The following RBM17 variants were observed in gnomAD, a reference collection of about 807,000 sequenced individuals.
RBM17 encodes RNA binding motif protein 17, also known as splicing factor 45.
A neutral mutation model predicts 53.2 loss-of-function variants in RBM17; 7 were observed. That is an observed-to-expected ratio of 0.13 (90% CI 0.07 to 0.25). The LOEUF is 0.25. Among genes scored for constraint, RBM17 ranks in the 10% least tolerant of loss-of-function variants. The pLI, the probability that RBM17 is intolerant of heterozygous loss-of-function variation, is 1.00. For synonymous variants in RBM17, 167 were observed against 178.1 expected, an observed-to-expected ratio of 0.94 and a Z score of 0.50; for missense variants, 257 against 496.7, an observed-to-expected ratio of 0.52 and a Z score of 4.59.
intron 3 of RBM17, 150 bp from the exon 4 acceptor site, chr10:6,104,781 T>C (rs554093717): frequency 5.6e-5 from 34 of 611,544 alleles, no homozygotes; most frequent in Non-Finnish European, 8.3e-5. Context: ...CGTGGCCTTG[T>C]CTGGTATTTG....
rs914098464 is a variant in RBM17, at chr10:6,116,231, G to A, written c.*675G>A. 1 of 152,342 alleles carries A rather than the reference G, an allele frequency of 6.6e-6. No homozygotes were observed. Among genetic ancestry groups the A allele is most frequent in the African/African-American group, 2.4e-5 (1 of 41,446 alleles). The allele number at this position is 152,342 out of a possible 1,614,324, so 9.4% of individuals were successfully genotyped here. On this transcript the variant is annotated 3_prime_UTR_variant, in exon 12 of 12. Coordinates refer to ENST00000379888, the MANE Select transcript of RBM17 (RefSeq NM_032905.5). ...TATAGAAATCATGAATCTAGCATTTGTTTTCAGAGATTCAAGCATAGTCTT... is the reference window on the plus strand; with the variant it reads ...TATAGAAATCATGAATCTAGCATTTATTTTCAGAGATTCAAGCATAGTCTT...
chr10:6,115,647 T>C lies in RBM17; in HGVS notation c.*91T>C. 1.3e-6 allele frequency: 1 copy of C among 775,618 alleles called. No homozygotes were observed. The highest frequency in any genetic ancestry group is 2.2e-6 in the Non-Finnish European group (1 of 445,188). The allele number at this position is 775,618 out of a possible 1,614,324, so 48.0% of individuals were successfully genotyped here. On this transcript the variant is annotated 3_prime_UTR_variant, in exon 12 of 12. Coordinates refer to ENST00000379888, the MANE Select transcript of RBM17 (RefSeq NM_032905.5). ...GGAAAAAGGTCACAGCCTCCATGGC[T>C]GTTGCATACCAAGACTCTTGGAAGG...
chr10:6,113,758 AAGT>A (rs1840872556), intron 9 of RBM17, 177 bp downstream of exon 9: 2 of 603,168 alleles, frequency 3.3e-6, no homozygotes, highest in East Asian at 5.5e-5. Context: ...TCTCTTTGCT[AAGT>A]ACAGTGTTTA....
intron 1 of RBM17, among the ~76,000 whole-genome samples, chr10:6,094,314 C>T (rs537363796): frequency 6.6e-6 from 1 of 152,182 alleles, no homozygotes; most frequent in Non-Finnish European, 1.5e-5. Flanking sequence ...CATGTTGTTG[C>T]TCGGAACGTT....
chr10:6,096,925 C>T, intron 1 of RBM17, 123 bp from the exon 2 acceptor site: 1 of 735,208 alleles, frequency 1.4e-6, no homozygotes, highest in South Asian at 1.9e-5. Context: ...TACCAGGAGC[C>T]TGGGCCTCTG....
chr10:6,103,523 T>A (rs1447612445), intron 3 of RBM17, among the ~76,000 whole-genome samples: 4 of 152,214 alleles, frequency 2.6e-5, no homozygotes, highest in African/African-American at 9.6e-5. Context: ...CTCTAAATAA[T>A]AACTGAAAAG....
intron 1 of RBM17, among the ~76,000 whole-genome samples, chr10:6,094,342 T>G (rs1214903986): frequency 6.6e-6 from 1 of 152,218 alleles, no homozygotes; most frequent in Non-Finnish European, 1.5e-5. Context: ...TTGAAGGATT[T>G]CAGATTTTCA....
At position 6,112,169 on chromosome 10, in the gene RBM17, G is replaced by C. The variant is rs779944786; in HGVS notation, c.705-41G>C. 1.8e-5 allele frequency: 29 copies of C among 1,596,648 alleles called. 1 individual carries two copies. In the South Asian group the frequency reaches 3.2e-4, roughly 18 times the overall value. On this transcript the variant is annotated intron_variant, in intron 7 of 11. Coordinates refer to ENST00000379888, the MANE Select transcript of RBM17 (RefSeq NM_032905.5). The surrounding 1 kb of genome is among the most constrained non-coding windows in gnomAD (Gnocchi z 4.4). ...AAAATGCAACCTATCTCCAGTTGACGATGTCAAGGCTAAGAGTCCTTTCCC... is the reference window on the plus strand; with the variant it reads ...AAAATGCAACCTATCTCCAGTTGACCATGTCAAGGCTAAGAGTCCTTTCCC...
chr10:6,091,012 T>TG lies in RBM17; in HGVS notation c.-19+1819_-19+1820insG, dbSNP rs1564564031. Among the ~76,000 whole-genome samples the TG allele has an allele frequency of 1.4e-4, 12 of 83,158 alleles. No individual in the cohort carries two copies. In the East Asian group the frequency reaches 4.3e-3, roughly 30 times the overall value. 54.6% of individuals were successfully genotyped at this position (83,158 alleles called of 152,430 possible). On this transcript the variant is annotated intron_variant, in intron 1 of 11. Transcript: ENST00000379888. ...ATATATGTATATAAATATATAAATA[T>TG]TTATATATTTATATATATTTATATA...
intron 5 of RBM17, among the ~76,000 whole-genome samples, chr10:6,106,612 A>G (rs1840752103): frequency 6.6e-6 from 1 of 152,218 alleles, no homozygotes; most frequent in Admixed American, 6.5e-5. Flanking sequence ...GCATTGTGAC[A>G]CATTTCATAT....
chr10:6,108,446 C>T (rs956892451), intron 5 of RBM17: 4 of 499,400 alleles, frequency 8.0e-6, no homozygotes, highest in South Asian at 6.5e-5. Context: ...TTGTGGGGCT[C>T]TTGAGTTCCT....
rs547014901 is a variant in RBM17, at chr10:6,089,891, C to T, written c.-19+698C>T. ...GAAAGCAGGCGTGAAAACCCAGGCC[C>T]GGGTTGATTTGAGAAACGCAAGTGG... On this transcript the variant is annotated intron_variant, in intron 1 of 11. Coordinates refer to ENST00000379888, the MANE Select transcript of RBM17 (RefSeq NM_032905.5). This position sits in a 1 kb window ranked among gnomAD's most constrained non-coding sequence, Gnocchi z 5.6. The T allele has an allele frequency of 7.2e-5, 11 of 152,382 alleles. No individual in the cohort carries two copies. In the South Asian group the frequency reaches 1.7e-3, roughly 23 times the overall value. 9.4% of individuals were successfully genotyped at this position (152,382 alleles called of 1,614,324 possible).
In RBM17 at chr10:6,116,809, CAT is replaced by C. The variant is rs767017985; in HGVS notation, c.*1255_*1256del. ...AGGATTTTCTCATGTTTTTATTTAACATAAATAAAAGAATAACATTTTATCTT... is the reference window on the plus strand; with the variant it reads ...AGGATTTTCTCATGTTTTTATTTAACAAATAAAAGAATAACATTTTATCTT... On this transcript the variant is annotated 3_prime_UTR_variant, in exon 12 of 12. Coordinates refer to ENST00000379888, the MANE Select transcript of RBM17 (RefSeq NM_032905.5). The C allele has an allele frequency of 2.6e-4, 39 of 152,314 alleles. No individual in the cohort carries two copies. The highest frequency in any genetic ancestry group is 3.8e-4 in the Non-Finnish European group (26 of 68,004). The allele number at this position is 152,314 out of a possible 1,614,324, so 9.4% of individuals were successfully genotyped here. A position where few individuals can be genotyped will look rare whatever the true frequency, so the allele number is the denominator to read the frequency against.
chr10:6,096,021 T>G (rs1003650569), intron 1 of RBM17, among the ~76,000 whole-genome samples: 7 of 152,306 alleles, frequency 4.6e-5, no homozygotes, highest in African/African-American at 1.4e-4. Flanking sequence ...ATGGGCCCCC[T>G]GGGAACTGAC....
rs1467325100 is a variant in RBM17, at chr10:6,115,545, G to C, written c.1195G>C (p.Glu399Gln). The C allele has an allele frequency of 6.2e-7, 1 of 1,605,692 alleles. No individual in the cohort carries two copies. Among genetic ancestry groups the C allele is most frequent in the Non-Finnish European group, 8.5e-7 (1 of 1,172,740 alleles). ...LDKFRVLDLA[E>Q]QV ...CAAATTCAGGGTCTTGGATTTGGCA[G>C]AACAAGTTTGATTTTAAGAACTAGA... Residue 399 changes from glutamate (E) to glutamine (Q), a missense_variant, in exon 12 of 12, where the codon GAA (glutamate) becomes CAA (glutamine). Glu to Gln is a conservative substitution (Grantham distance 29, BLOSUM62 2). Coordinates refer to ENST00000379888, the MANE Select transcript of RBM17 (RefSeq NM_032905.5).
At chr10:6,100,792 T>C (rs915761037) in intron 2 of RBM17, among the ~76,000 whole-genome samples, 3 of 152,206 alleles carry the variant, frequency 2.0e-5, no homozygotes, top group Non-Finnish European at 4.4e-5. Context: ...GACAGGAGAA[T>C]GTCCACGGTT....
At chr10:6,091,000 A>AAT (rs1270331159) in intron 1 of RBM17, among the ~76,000 whole-genome samples, 2 of 129,318 alleles carry the variant, frequency 1.5e-5, no homozygotes, top group East Asian at 2.0e-4. Context: ...TATGTATATA[A>AAT]ATATATAAAT....
chr10:6,112,579 T>A lies in RBM17; in HGVS notation c.856+218T>A. 1 of 579,174 alleles carries A rather than the reference T, an allele frequency of 1.7e-6. No homozygotes were observed. The highest frequency in any genetic ancestry group is 3.1e-6 in the Non-Finnish European group (1 of 322,030). 35.9% of individuals were successfully genotyped at this position (579,174 alleles called of 1,614,324 possible). A position where few individuals can be genotyped will look rare whatever the true frequency, so the allele number is the denominator to read the frequency against. On this transcript the variant is annotated intron_variant, in intron 8 of 11. Transcript: ENST00000379888. The surrounding 1 kb of genome is among the most constrained non-coding windows in gnomAD (Gnocchi z 4.4). ...AACCAGGAATCCTGAGGCTCATCTT[T>A]ATTTTTTCAGAACAGACGTAGAGAG...
chr10:6,097,079 A>T lies in RBM17; in HGVS notation c.14A>T (p.Asp5Val). The T allele has an allele frequency of 6.2e-7, 1 of 1,613,548 alleles. No homozygotes were observed. The highest frequency in any genetic ancestry group is 8.5e-7 in the Non-Finnish European group (1 of 1,179,964). ...ACTGAAGAAAAGATGTCCCTGTACG[A>T]TGACCTAGGAGTGGAGACCAGTGAC... is the stretch of plus-strand genomic sequence containing the variant. MSLY[D>V]DLGVETSDSK... The change falls in exon 2 of 12, where the codon GAT (aspartate) becomes GTT (valine). Residue 5 changes from aspartate (D) to valine (V), a missense_variant. Asp to Val is a radical substitution (Grantham distance 152). Coordinates refer to ENST00000379888, the MANE Select transcript of RBM17 (RefSeq NM_032905.5).
Sources: gnomAD v4.1 joint callset for allele counts (sites outside exome capture counted in the v4.1 genomes callset) on GRCh38, gnomAD v4.1.1 for gene constraint, Gnocchi (gnomAD v3.1) non-coding constraint, MANE v1.5 for transcripts, NCBI Gene and HGNC (gene_info 2026-07-23, HGNC 2026-07-21) for gene names.